PCDHA4: variants seen among roughly 807,000 people sequenced by gnomAD.
The protein encoded by PCDHA4 is protocadherin alpha 4.
PCDHA4 carries 49 observed loss-of-function variants against 61.4 expected under a neutral mutation model. That is an observed-to-expected ratio of 0.80 (90% CI 0.63 to 1.01). PCDHA4 has a LOEUF of 1.01. PCDHA4 is among the 50% of genes least tolerant of loss of function. The pLI is 0.00. For missense variants in PCDHA4, 1,254 were observed against 1,235.8 expected (o/e 1.01, Z -0.22); for synonymous variants, 590 against 550.3 (o/e 1.07, Z -1.01).
intron 1 of PCDHA4, chr5:140,811,157 C>A (rs1251504502): frequency 2.0e-5 from 3 of 152,232 alleles, no homozygotes; most frequent in African/African-American, 7.2e-5. Context: ...ATCCCTCCCC[C>A]AGTCCCCCAC....
chr5:140,892,218 T>C (rs182162644), intron 1 of PCDHA4, among the ~76,000 whole-genome samples: 23 of 152,308 alleles, frequency 1.5e-4, no homozygotes, highest in Admixed American at 1.4e-3. Context: ...ATTGTATCTT[T>C]ATGGTGTTTT....
chr5:140,862,881 T>C, intron 1 of PCDHA4: 3 of 564,618 alleles, frequency 5.3e-6, no homozygotes, highest in Non-Finnish European at 1.0e-5. Context: ...GTATTAGTGC[T>C]GGAACGACAA....
intron 1 of PCDHA4, chr5:140,876,604 G>A: frequency 6.2e-7 from 1 of 1,614,204 alleles, no homozygotes; most frequent in Non-Finnish European, 8.5e-7. Flanking sequence ...GTCGGATCGT[G>A]ACTCTGGAGC....
chr5:140,938,758 A>T (rs2153638695), intron 1 of PCDHA4, among the ~76,000 whole-genome samples: 1 of 152,274 alleles, frequency 6.6e-6, no homozygotes, highest in African/African-American at 2.4e-5. Flanking sequence ...AGGCATAGTT[A>T]TTGGGTACTA....
intron 3 of PCDHA4, among the ~76,000 whole-genome samples, chr5:140,999,234 G>T (rs1327126129): frequency 1.3e-5 from 2 of 152,232 alleles, no homozygotes; most frequent in African/African-American, 4.8e-5. Context: ...AGAATAGGTG[G>T]TTAAAGTGGG....
intron 1 of PCDHA4, among the ~76,000 whole-genome samples, chr5:140,908,899 C>CT (rs1382483322): frequency 6.6e-6 from 1 of 152,194 alleles, no homozygotes; most frequent in Non-Finnish European, 1.5e-5. Flanking sequence ...AAATAAGCCT[C>CT]TTTCGTGGTT....
intron 1 of PCDHA4, chr5:140,841,303 T>C (rs2150313013): frequency 6.4e-7 from 1 of 1,572,476 alleles, no homozygotes; most frequent in South Asian, 1.2e-5. Flanking sequence ...TATTTTCTGA[T>C]AGGAAACGAC....
At chr5:140,925,238 T>C (rs2082404327) in intron 1 of PCDHA4, among the ~76,000 whole-genome samples, 1 of 152,248 alleles carries the variant, frequency 6.6e-6, no homozygotes, top group African/African-American at 2.4e-5. Context: ...CCAGAAAATA[T>C]GTCCTGGAAA....
intron 1 of PCDHA4, chr5:140,863,368 C>A (rs1562578744): frequency 8.4e-7 from 1 of 1,192,682 alleles, no homozygotes; most frequent in Non-Finnish European, 1.2e-6. Flanking sequence ...GTGCTTGGCG[C>A]AGCTCACCGA....
intron 1 of PCDHA4, chr5:140,858,501 T>C: frequency 6.8e-7 from 1 of 1,464,942 alleles, no homozygotes; most frequent in Non-Finnish European, 9.4e-7. Context: ...TACCGCATTT[T>C]CTCAAATATG....
intron 1 of PCDHA4, chr5:140,882,822 G>A (rs782258212): frequency 6.2e-7 from 1 of 1,614,080 alleles, no homozygotes; most frequent in African/African-American, 1.3e-5. Flanking sequence ...GCACAAAACA[G>A]TCTTGAGCAA....
chr5:140,967,528 T>C, intron 1 of PCDHA4: 3 of 1,613,146 alleles, frequency 1.9e-6, no homozygotes, highest in Non-Finnish European at 2.5e-6. Context: ...ACGACAACTC[T>C]CCTGCCTTTG....
At chr5:140,855,901 A>G (rs1280645152) in intron 1 of PCDHA4, 6 of 1,088,536 alleles carry the variant, frequency 5.5e-6, no homozygotes, top group African/African-American at 4.7e-5. Flanking sequence ...GGCATCAGCC[A>G]GTTTCTCAAG....
chr5:140,839,096 G>T (rs1372259471), intron 1 of PCDHA4, among the ~76,000 whole-genome samples: 2 of 151,884 alleles, frequency 1.3e-5, no homozygotes, highest in Admixed American at 6.6e-5. Context: ...ATAATCAATA[G>T]AATTATTTAC....
Position 140,809,039 on chromosome 5 carries a change from G to A in PCDHA4, c.1852G>A (p.Ala618Thr), listed in dbSNP as rs782455641. Residue 618 changes from alanine (A) to threonine (T), a missense_variant, in exon 1 of 4, where the codon GCG becomes ACG. By Grantham distance (58) the Ala-to-Thr change is moderately conservative. Coordinates refer to ENST00000530339, the MANE Select transcript of PCDHA4 (RefSeq NM_018907.4). The stretch of plus-strand genomic sequence containing the variant: ...CGAGCTGCAGCCGGGGACTGGTGGC[G>A]CGCGCATCCCGTTCCGCGTGGGGCT... ...SYELQPGTGG[A>T]RIPFRVGLYT... 2 of 1,613,862 alleles carry A rather than the reference G, an allele frequency of 1.2e-6. No individual in the cohort carries two copies. The highest frequency in any genetic ancestry group is 1.7e-6 in the Non-Finnish European group (2 of 1,179,874).
intron 1 of PCDHA4, chr5:140,871,342 T>C: frequency 6.2e-7 from 1 of 1,614,120 alleles, no homozygotes; most frequent in Non-Finnish European, 8.5e-7. Context: ...GGTGGGGAGC[T>C]GGTCATACTC....
At chr5:140,895,709 A>G (rs763607157) in intron 1 of PCDHA4, among the ~76,000 whole-genome samples, 2 of 152,208 alleles carry the variant, frequency 1.3e-5, no homozygotes, top group African/African-American at 2.4e-5. Flanking sequence ...CACTTGGGAT[A>G]ATGGCCTGCA....
At chr5:140,850,114 C>A (rs2150468329) in intron 1 of PCDHA4, 7 of 1,595,992 alleles carry the variant, frequency 4.4e-6, no homozygotes, top group Non-Finnish European at 5.1e-6. Flanking sequence ...GCGCGCGACG[C>A]GGGCGTGCCG....
At chr5:140,915,023 G>A (rs1273717052) in intron 1 of PCDHA4, among the ~76,000 whole-genome samples, 3 of 147,742 alleles carry the variant, frequency 2.0e-5, no homozygotes, top group African/African-American at 7.5e-5. Context: ...TTGGCTCACT[G>A]CAACTTCTGC....
Sources: allele counts gnomAD v4.1 joint callset (sites outside exome capture counted in the v4.1 genomes callset), GRCh38; gene constraint gnomAD v4.1.1; transcripts MANE v1.5; gene names NCBI Gene and HGNC (gene_info 2026-07-23, HGNC 2026-07-21).